Variants in FAM81B observed in about 807,000 individuals in gnomAD.
FAM81B encodes family with sequence similarity 81 member B, also known as protein FAM81B.
FAM81B carries 60 observed loss-of-function variants against 58.7 expected under a neutral mutation model. That is an observed-to-expected ratio of 1.02 (90% CI 0.83 to 1.27). The LOEUF (loss-of-function observed/expected upper bound fraction) is 1.27, where lower values mean the gene tolerates loss of function less well. FAM81B is among the 50% of genes most tolerant of loss of function. The pLI is 0.00. For synonymous variants in FAM81B, 189 were observed against 179.6 expected (o/e 1.05, Z -0.42); for missense variants, 491 against 522.0 (o/e 0.94, Z 0.58).
rs373861025 is a variant in FAM81B, at chr5:95,393,947, G to A, written c.228+1050G>A. Among the ~76,000 whole-genome samples the A allele has an allele frequency of 3.9e-5, 6 of 152,194 alleles. No individual in the cohort carries two copies. The South Asian group carries it at 1.0e-3, about 26-fold the overall frequency. On this transcript the variant is annotated intron_variant, in intron 2 of 9. Transcript: ENST00000283357. Reference sequence around the variant, plus strand: ...ATATATAATAACATCCTAGCTTATAGGAATGAGGATAAAACAGAACTGACT... The same window carrying A: ...ATATATAATAACATCCTAGCTTATAAGAATGAGGATAAAACAGAACTGACT...
intron 5 of FAM81B, 44 bp from the exon 6 acceptor site, chr5:95,428,559 G>T: frequency 1.9e-6 from 3 of 1,608,794 alleles, no homozygotes; most frequent in Non-Finnish European, 2.5e-6. Flanking sequence ...TGTTAAAAAT[G>T]TTATAAAGGT....
chr5:95,435,816 C>T (rs965749185), intron 6 of FAM81B, among the ~76,000 whole-genome samples: 1 of 152,174 alleles, frequency 6.6e-6, no homozygotes, highest in East Asian at 1.9e-4. Context: ...CCTGTAATTG[C>T]CTATTATTAT....
chr5:95,442,538 A>G (rs1383160512), intron 7 of FAM81B, among the ~76,000 whole-genome samples: 1 of 152,246 alleles, frequency 6.6e-6, no homozygotes, highest in Non-Finnish European at 1.5e-5. Context: ...TGATCAATTC[A>G]TGATGTTTCC....
chr5:95,429,202 A>C (rs115305699), intron 6 of FAM81B, among the ~76,000 whole-genome samples: 8 of 152,316 alleles, frequency 5.3e-5, no homozygotes, highest in Non-Finnish European at 1.2e-4. Flanking sequence ...TTTAAAGGCC[A>C]TCTGTGCTTC....
At chr5:95,431,089 G>A (rs538281259) in intron 6 of FAM81B, among the ~76,000 whole-genome samples, 16 of 152,034 alleles carry the variant, frequency 1.1e-4, no homozygotes, top group Non-Finnish European at 1.9e-4. Flanking sequence ...GAGATGAGCT[G>A]TTTTCTCTAT....
intron 6 of FAM81B, among the ~76,000 whole-genome samples, chr5:95,433,888 G>A (rs1745002023): frequency 6.6e-6 from 1 of 152,116 alleles, no homozygotes. Context: ...TTGGCTTACA[G>A]ATATTCATAA....
At chr5:95,429,163 A>G (rs1466944327) in intron 6 of FAM81B, among the ~76,000 whole-genome samples, 2 of 152,212 alleles carry the variant, frequency 1.3e-5, no homozygotes, top group Non-Finnish European at 2.9e-5. Context: ...CTTACAAAAT[A>G]ACATGTAAGT....
chr5:95,446,544 AAACAT>A lies in FAM81B; in HGVS notation c.894-17_894-13del. On this transcript the variant is annotated splice_polypyrimidine_tract_variant and intron_variant, in intron 7 of 9. Transcript: ENST00000283357. ...TAAATTAACTTATTTAAATGAAACA[AAACAT>A]TTTTTCCCATAGATTTCATTCACTT... is the stretch of plus-strand genomic sequence containing the variant. The A allele has an allele frequency of 6.4e-7, 1 of 1,552,804 alleles. No individual in the cohort carries two copies. Among genetic ancestry groups the A allele is most frequent in the East Asian group, 2.3e-5 (1 of 43,702 alleles).
At position 95,450,307 on chromosome 5, in the gene FAM81B, A is replaced by G. The variant is rs533320226; in HGVS notation, c.*25A>G. 1.3e-4 allele frequency: 208 copies of G among 1,609,072 alleles called. 2 individuals carry two copies. The South Asian group carries it at 2.2e-3, about 17-fold the overall frequency. ...AACCTTTTCAGTCATCTTCTTTTTC[A>G]TCAGCCAATGGAGTGATTTGTTGGA... is the stretch of plus-strand genomic sequence containing the variant. On this transcript the variant is annotated 3_prime_UTR_variant, in exon 10 of 10. Coordinates refer to ENST00000283357, the MANE Select transcript of FAM81B (RefSeq NM_152548.3).
intron 7 of FAM81B, chr5:95,440,565 C>T: frequency 1.7e-6 from 1 of 575,724 alleles, no homozygotes; most frequent in Non-Finnish European, 3.2e-6. Flanking sequence ...TGCTCAAATT[C>T]TGCAATTACT....
At chr5:95,393,872 T>A (rs1761895161) in intron 2 of FAM81B, among the ~76,000 whole-genome samples, 1 of 152,170 alleles carries the variant, frequency 6.6e-6, no homozygotes, top group Non-Finnish European at 1.5e-5. Context: ...AACTGATATA[T>A]GTAAAAAAAT....
chr5:95,446,988 G>A (rs1236381100), intron 8 of FAM81B, among the ~76,000 whole-genome samples: 2 of 151,246 alleles, frequency 1.3e-5, no homozygotes, highest in Non-Finnish European at 2.9e-5. Context: ...CAGACCCAGA[G>A]AGTCTGACTC....
chr5:95,442,045 T>C (rs1745378052), intron 7 of FAM81B, among the ~76,000 whole-genome samples: 1 of 152,190 alleles, frequency 6.6e-6, no homozygotes, highest in African/African-American at 2.4e-5. Context: ...TCAAATAATA[T>C]CATCCAACTT....
At chr5:95,439,307 G>A (rs1356172694) in intron 7 of FAM81B, among the ~76,000 whole-genome samples, 1 of 137,924 alleles carries the variant, frequency 7.3e-6, no homozygotes, top group Admixed American at 7.4e-5. Flanking sequence ...AAATGTTGTA[G>A]GGTTTTACAC....
At position 95,447,687 on chromosome 5, in the gene FAM81B, G is replaced by C. The variant is rs542139582; in HGVS notation, c.1030-582G>C. Among the ~76,000 whole-genome samples, 13 of 152,342 alleles carry C rather than the reference G, an allele frequency of 8.5e-5. No individual in the cohort carries two copies. The South Asian group carries it at 2.1e-3, about 24-fold the overall frequency. Reference sequence around the variant, plus strand: ...AAAAGGGTCATACCTGCCATGCCCAGTTCCTGCTCCCAGATTCCCTGTGGA... The same window carrying C: ...AAAAGGGTCATACCTGCCATGCCCACTTCCTGCTCCCAGATTCCCTGTGGA... On this transcript the variant is annotated intron_variant, in intron 8 of 9. Transcript: ENST00000283357.
At position 95,448,714 on chromosome 5, in the gene FAM81B, T is replaced by A. The variant is rs7702072; in HGVS notation, c.1225+250T>A. 2.9e-3 allele frequency: 1,391 copies of A among 482,164 alleles called. 17 individuals are homozygous for A. Among genetic ancestry groups the A allele is most frequent in the African/African-American group, 0.026 (1,228 of 47,666 alleles). 29.9% of individuals were successfully genotyped at this position (482,164 alleles called of 1,614,324 possible). On this transcript the variant is annotated intron_variant, in intron 9 of 9. Transcript: ENST00000283357. ...GTGAATTTTTTTTTTTTTTTTTTTT[T>A]ACTAAGATCATGGAATTTTTACTAA...
chr5:95,433,710 G>T (rs1215753235), intron 6 of FAM81B, among the ~76,000 whole-genome samples: 1 of 152,144 alleles, frequency 6.6e-6, no homozygotes, highest in East Asian at 1.9e-4. Flanking sequence ...AGGGCACAAA[G>T]TTCAATCAGT....
At chr5:95,398,543 A>T (rs929502627) in intron 3 of FAM81B, among the ~76,000 whole-genome samples, 3 of 152,200 alleles carry the variant, frequency 2.0e-5, no homozygotes, top group Non-Finnish European at 4.4e-5. Flanking sequence ...GTCATTATCA[A>T]CTCATTAAAT....
chr5:95,416,128 A>G (rs1762532352), intron 4 of FAM81B, among the ~76,000 whole-genome samples: 1 of 152,240 alleles, frequency 6.6e-6, no homozygotes, highest in South Asian at 2.1e-4. Context: ...GGCTGTAGAT[A>G]ACATAGTTAA....
Sources: gnomAD v4.1 joint callset for allele counts (sites outside exome capture counted in the v4.1 genomes callset) on GRCh38, gnomAD v4.1.1 for gene constraint, MANE v1.5 for transcripts, NCBI Gene and HGNC (gene_info 2026-07-23, HGNC 2026-07-21) for gene names.